Variants in NLGN4Y observed in about 807,000 individuals in gnomAD.
The protein encoded by NLGN4Y is neuroligin 4 Y-linked, also known as neuroligin-4, Y-linked.
A neutral mutation model predicts 8.4 loss-of-function variants in NLGN4Y; 4 were observed. That is an observed-to-expected ratio of 0.48 (90% CI 0.23 to 1.09). The LOEUF (loss-of-function observed/expected upper bound fraction) is 1.09, where lower values mean the gene tolerates loss of function less well. Ranked by LOEUF, NLGN4Y falls within the 50% of genes least tolerant of loss-of-function variation. The pLI, the probability that NLGN4Y is intolerant of heterozygous loss-of-function variation, is 0.19. For synonymous variants in NLGN4Y, 35 were observed against 75.6 expected, an observed-to-expected ratio of 0.46 and a Z score of 2.78; for missense variants, 90 against 192.3, an observed-to-expected ratio of 0.47 and a Z score of 3.15.
At chrY:14,796,696 G>A (rs2043012911) in intron 4 of NLGN4Y, among the ~76,000 whole-genome samples, 1 of 32,896 alleles carries the variant, frequency 3.0e-5, no homozygotes, top group South Asian at 6.8e-4. Context: ...GATGAAATGT[G>A]AAATCTAAAG....
intron 1 of NLGN4Y, among the ~76,000 whole-genome samples, chrY:14,538,259 TA>T (rs2080139100): frequency 1.5e-4 from 5 of 34,325 alleles, no homozygotes; most frequent in Non-Finnish European, 2.9e-4. Flanking sequence ...CCCATACTTT[TA>T]AACACTGAAA....
chrY:14,574,951 AG>A (rs2080291449), intron 1 of NLGN4Y, among the ~76,000 whole-genome samples: 1 of 33,820 alleles, frequency 3.0e-5, no homozygotes, highest in Non-Finnish European at 7.3e-5. Context: ...GTTTCTGTCA[AG>A]AGATCAGCTG....
At chrY:14,601,471 A>T in intron 1 of NLGN4Y, among the ~76,000 whole-genome samples, 1 of 32,958 alleles carries the variant, frequency 3.0e-5, no homozygotes, top group Non-Finnish European at 7.5e-5. Context: ...TGGCTCACTA[A>T]ATCCTGCTAT....
chrY:14,744,525 C>T, intron 4 of NLGN4Y, among the ~76,000 whole-genome samples: 1 of 33,457 alleles, frequency 3.0e-5, no homozygotes, highest in Non-Finnish European at 7.4e-5. Flanking sequence ...TTTCTTAAGC[C>T]TACATCCAAC....
intron 4 of NLGN4Y, among the ~76,000 whole-genome samples, chrY:14,807,444 T>G: frequency 3.1e-5 from 1 of 32,596 alleles, no homozygotes; most frequent in Non-Finnish European, 7.5e-5. Flanking sequence ...TTATATGTGT[T>G]TTATCTCCAT....
At chrY:14,686,970 T>C in intron 2 of NLGN4Y, among the ~76,000 whole-genome samples, 1 of 32,893 alleles carries the variant, frequency 3.0e-5, no homozygotes, top group African/African-American at 1.2e-4. Flanking sequence ...TTCTGAATTT[T>C]TTTTTGGTAG....
chrY:14,629,803 GAGA>G (rs2080541730), intron 2 of NLGN4Y, among the ~76,000 whole-genome samples: 1 of 33,758 alleles, frequency 3.0e-5, no homozygotes, highest in Non-Finnish European at 7.3e-5. Context: ...TTGGCAGGGG[GAGA>G]AGGACAGTTC....
At chrY:14,554,508 C>T in intron 1 of NLGN4Y, among the ~76,000 whole-genome samples, 1 of 32,461 alleles carries the variant, frequency 3.1e-5, no homozygotes, top group Non-Finnish European at 7.5e-5. Flanking sequence ...TGGCCCCTTA[C>T]TATTTCTATA....
At chrY:14,674,769 T>G in intron 2 of NLGN4Y, among the ~76,000 whole-genome samples, 1 of 33,326 alleles carries the variant, frequency 3.0e-5, no homozygotes, top group East Asian at 8.0e-4. Flanking sequence ...CCAGGTGCCA[T>G]GTGGTCATGG....
chrY:14,602,014 G>A (rs2080429093), intron 1 of NLGN4Y, among the ~76,000 whole-genome samples: 1 of 33,291 alleles, frequency 3.0e-5, no homozygotes, highest in East Asian at 8.0e-4. Flanking sequence ...GGGCCAGAGA[G>A]CACGTGGCTT....
At chrY:14,620,313 T>C in intron 1 of NLGN4Y, among the ~76,000 whole-genome samples, 1 of 33,966 alleles carries the variant, frequency 2.9e-5, no homozygotes, top group Non-Finnish European at 7.3e-5. Context: ...TTCTTGTCTG[T>C]CTCTTAATTA....
chrY:14,603,842 T>C (rs553213935), intron 1 of NLGN4Y, among the ~76,000 whole-genome samples: 5 of 33,649 alleles, frequency 1.5e-4, no homozygotes, highest in African/African-American at 5.8e-4. Flanking sequence ...TTTGCTTGTG[T>C]TAGCTTTAGT....
chrY:14,832,400 G>A, intron 6 of NLGN4Y, among the ~76,000 whole-genome samples: 1 of 34,507 alleles, frequency 2.9e-5, no homozygotes, highest in Admixed American at 2.6e-4. Context: ...GGAGATGCTC[G>A]TCTATCACTG....
At chrY:14,719,783 C>CT (rs1322586309) in intron 3 of NLGN4Y, among the ~76,000 whole-genome samples, 29 of 26,980 alleles carry the variant, frequency 1.1e-3, no homozygotes, top group East Asian at 9.3e-4. Flanking sequence ...AGAAGCCCAC[C>CT]TTTTTTTTTT....
intron 4 of NLGN4Y, among the ~76,000 whole-genome samples, chrY:14,804,926 A>G: frequency 3.0e-5 from 1 of 33,643 alleles, no homozygotes; most frequent in African/African-American, 1.2e-4. Context: ...GATTGGCTGT[A>G]AATACAGAGG....
At chrY:14,743,302 G>A (rs2081013137) in intron 4 of NLGN4Y, among the ~76,000 whole-genome samples, 1 of 31,872 alleles carries the variant, frequency 3.1e-5, no homozygotes, top group Non-Finnish European at 7.6e-5. Flanking sequence ...GAGTGGCCTC[G>A]CCAATGTAGC....
chrY:14,596,884 C>T, intron 1 of NLGN4Y, among the ~76,000 whole-genome samples: 6 of 32,891 alleles, frequency 1.8e-4, no homozygotes, highest in Admixed American at 2.8e-4. Flanking sequence ...TGGCAATAGG[C>T]GATGGTCTCA....
intron 1 of NLGN4Y, among the ~76,000 whole-genome samples, chrY:14,603,937 AAC>A: frequency 3.0e-5 from 1 of 33,189 alleles, no homozygotes; most frequent in Non-Finnish European, 7.4e-5. Context: ...CATGGGCAGG[AAC>A]TCATTCTTAA....
chrY:14,791,392 A>G, intron 4 of NLGN4Y, among the ~76,000 whole-genome samples: 1 of 33,130 alleles, frequency 3.0e-5, no homozygotes, highest in Admixed American at 2.8e-4. Context: ...TTTAACTTCA[A>G]TGTAAAATTT....
Sources: gnomAD v4.1 joint callset for allele counts (sites outside exome capture counted in the v4.1 genomes callset) on GRCh38, gnomAD v4.1.1 for gene constraint, MANE v1.5 for transcripts, NCBI Gene and HGNC (gene_info 2026-07-23, HGNC 2026-07-21) for gene names.